SYT5: variants seen among roughly 807,000 people sequenced by gnomAD.
SYT5 encodes synaptotagmin-5.
SYT5 carries 29 observed loss-of-function variants against 36.0 expected under a neutral mutation model. The ratio of observed to expected loss-of-function variants is 0.81; its 90% CI spans 0.60 to 1.10. SYT5 has a LOEUF of 1.10. Ranked by LOEUF, SYT5 falls within the 50% of genes least tolerant of loss-of-function variation. The probability of loss-of-function intolerance (pLI) is 0.00; values close to 1 mark genes in which losing one functional copy is unlikely to be tolerated. For missense variants in SYT5, 512 were observed against 516.0 expected (o/e 0.99, Z 0.08); for synonymous variants, 231 against 227.6 (o/e 1.02, Z -0.14).
In SYT5 at chr19:55,171,927, C is replaced by G. The variant is rs924955552; in HGVS notation, c.*1557G>C. ...AGTGAGCTATGATTGCCCCACCGCA[C>G]TCCAGCCAGGGTACACAGAGAAACC... On this transcript the variant is annotated 3_prime_UTR_variant, in exon 9 of 9. Coordinates refer to ENST00000354308, the MANE Select transcript of SYT5 (RefSeq NM_003180.3). 6.6e-6 allele frequency: 1 copy of G among 152,062 alleles called. No homozygotes were observed. The highest frequency in any genetic ancestry group is 2.4e-5 in the African/African-American group (1 of 41,358). 9.4% of individuals were successfully genotyped at this position (152,062 alleles called of 1,614,324 possible). A position where few individuals can be genotyped will look rare whatever the true frequency, so the allele number is the denominator to read the frequency against.
chr19:55,176,143 A>G lies in SYT5; in HGVS notation c.253-19T>C. Reference sequence around the variant, plus strand: ...GCTGCACCTTAAGGAGCCAGGGGTAAGGGTGGGTGAAGTCTTCCCCTGATA... The same window carrying G: ...GCTGCACCTTAAGGAGCCAGGGGTAGGGGTGGGTGAAGTCTTCCCCTGATA... On this transcript the variant is annotated intron_variant, in intron 3 of 8. Transcript: ENST00000354308. 1 of 1,613,820 alleles carries G rather than the reference A, an allele frequency of 6.2e-7. No individual in the cohort carries two copies. Among genetic ancestry groups the G allele is most frequent in the South Asian group, 1.1e-5 (1 of 91,074 alleles).
rs1294841317 is a variant in SYT5 at position 55,172,430 on chromosome 19, AAAAC to A, written c.*1050_*1053del. 1 of 151,174 alleles carries A rather than the reference AAAAC, an allele frequency of 6.6e-6. No individual in the cohort carries two copies. The highest frequency in any genetic ancestry group is 1.5e-5 in the Non-Finnish European group (1 of 67,910). 9.4% of individuals were successfully genotyped at this position (151,174 alleles called of 1,614,324 possible). A position where few individuals can be genotyped will look rare whatever the true frequency, so the allele number is the denominator to read the frequency against. ...AGTGAGACTTCATCTCAAAAAAACA[AAAAC>A]AAAAACAAAAAAACAAACAAACAAA... On this transcript the variant is annotated 3_prime_UTR_variant, in exon 9 of 9. Transcript: ENST00000354308.
Position 55,172,472 on chromosome 19 carries a change from GAAAA to G in SYT5, c.*1008_*1011del, listed in dbSNP as rs750562207. The G allele has an allele frequency of 6.7e-6, 1 of 149,312 alleles. No individual in the cohort carries two copies. Among genetic ancestry groups the G allele is most frequent in the Admixed American group, 6.7e-5 (1 of 15,010 alleles). The allele number at this position is 149,312 out of a possible 1,614,324, so 9.2% of individuals were successfully genotyped here. ...ACAAACAAACAAAAAAAAAACAAGA[GAAAA>G]AGAAAGAAAAGGAAAGACAGAAAGA... On this transcript the variant is annotated 3_prime_UTR_variant, in exon 9 of 9. Coordinates refer to ENST00000354308, the MANE Select transcript of SYT5 (RefSeq NM_003180.3).
In SYT5 at chr19:55,173,657, C is replaced by A; in HGVS notation, c.988G>T (p.Asp330Tyr). The A allele has an allele frequency of 6.8e-7, 1 of 1,462,266 alleles. No individual in the cohort carries two copies. The allele number at this position is 1,462,266 out of a possible 1,614,324, so 90.6% of individuals were successfully genotyped here. A position where few individuals can be genotyped will look rare whatever the true frequency, so the allele number is the denominator to read the frequency against. ...TCGTTCTTGCCCAGCTTGTCGTAGT[C>A]CAGCACGGTCAGCTCCACCTGCACC... Reference protein sequence around the residue: ...QKVQVELTVLDYDKLGKNEAI... With the variant: ...QKVQVELTVLYYDKLGKNEAI... The change falls in exon 9 of 9, where the codon GAC becomes TAC. Residue 330 changes from aspartate to tyrosine, a missense_variant. Coordinates refer to ENST00000354308, the MANE Select transcript of SYT5 (RefSeq NM_003180.3). The surrounding 1 kb of genome is among the most constrained non-coding windows in gnomAD (Gnocchi z 5.4).
At chr19:55,178,721 C>T (rs1392719374) in intron 2 of SYT5, among the ~76,000 whole-genome samples, 3 of 149,782 alleles carry the variant, frequency 2.0e-5, no homozygotes, top group African/African-American at 7.5e-5. Context: ...TCTAAGATCC[C>T]ATTCCATGCA....
rs764151845 is a variant in SYT5 at position 55,176,022 on chromosome 19, C to T, written c.355G>A (p.Asp119Asn). 16 of 1,614,154 alleles carry T rather than the reference C, an allele frequency of 9.9e-6. No homozygotes were observed. Among genetic ancestry groups the T allele is most frequent in the Non-Finnish European group, 1.4e-5 (16 of 1,180,040 alleles). The change falls in exon 4 of 9, where the codon GAC becomes AAC. Residue 119 changes from aspartate (D) to asparagine (N), a missense_variant. Coordinates refer to ENST00000354308, the MANE Select transcript of SYT5 (RefSeq NM_003180.3). Reference protein sequence around the residue: ...LGRLQYSLDYDFQSGQLLVGI... With the variant: ...LGRLQYSLDYNFQSGQLLVGI... Reference sequence around the variant, plus strand: ...ACACCCACCTGGCCACTCTGGAAGTCATAATCCAGGGAGTACTGCAGTCGT... The same window carrying T: ...ACACCCACCTGGCCACTCTGGAAGTTATAATCCAGGGAGTACTGCAGTCGT...
At chr19:55,174,209 C>T (rs1407683949) in intron 8 of SYT5, among the ~76,000 whole-genome samples, 2 of 141,552 alleles carry the variant, frequency 1.4e-5, no homozygotes, top group Non-Finnish European at 3.0e-5. Flanking sequence ...TGCTTGGGGG[C>T]GGAGCATCCT....
In SYT5 at chr19:55,179,007, G is replaced by A; in HGVS notation, c.35C>T (p.Ser12Leu). The A allele has an allele frequency of 6.3e-7, 1 of 1,599,452 alleles. No homozygotes were observed. Among genetic ancestry groups the A allele is most frequent in the Non-Finnish European group, 8.5e-7 (1 of 1,173,468 alleles). ...FPEPPTPGPP[S>L]PDTPPDSSRI... Reference sequence around the variant, plus strand: ...ACTGGAGTCGGGAGGCGTGTCGGGCGATGGAGGCCCCGGGGTTGGGGGCTC... The same window carrying A: ...ACTGGAGTCGGGAGGCGTGTCGGGCAATGGAGGCCCCGGGGTTGGGGGCTC... Residue 12 changes from serine (S) to leucine (L), a missense_variant, in exon 2 of 9, where the codon TCG (serine) becomes TTG (leucine). Coordinates refer to ENST00000354308, the MANE Select transcript of SYT5 (RefSeq NM_003180.3). This position sits in a 1 kb window ranked among gnomAD's most constrained non-coding sequence, Gnocchi z 4.5.
In SYT5 at chr19:55,175,560, A is replaced by T; in HGVS notation, c.540+149T>A. 1 of 1,175,692 alleles carries T rather than the reference A, an allele frequency of 8.5e-7. No homozygotes were observed. The highest frequency in any genetic ancestry group is 1.2e-6 in the Non-Finnish European group (1 of 833,962). 72.8% of individuals were successfully genotyped at this position (1,175,692 alleles called of 1,614,324 possible). On this transcript the variant is annotated intron_variant, in intron 5 of 8. Coordinates refer to ENST00000354308, the MANE Select transcript of SYT5 (RefSeq NM_003180.3). This position sits in a 1 kb window ranked among gnomAD's most constrained non-coding sequence, Gnocchi z 4.5. ...ACCAGGCTACAGCCCAGGAGTCAGT[A>T]GTGCCCAGGGTCCAGTGGAATAGCC...
In SYT5 at chr19:55,178,255, C is replaced by T. The variant is rs750181199; in HGVS notation, c.193G>A (p.Ala65Thr). ...CRRRTGKKSQ[A>T]QAQVHLQEVK... The stretch of plus-strand genomic sequence containing the variant: ...TCCTGAAGGTGGACCTGGGCTTGGG[C>T]CTGGCTCTTCTTGCCTGTCCGCCTC... Residue 65 changes from alanine to threonine, a missense_variant, in exon 3 of 9, where the codon GCC becomes ACC. Physicochemically the swap from Ala to Thr is moderately conservative, Grantham distance 58 (BLOSUM62 0). Transcript: ENST00000354308. The T allele has an allele frequency of 1.9e-6, 3 of 1,610,086 alleles. No homozygotes were observed. The highest frequency in any genetic ancestry group is 1.7e-6 in the Non-Finnish European group (2 of 1,178,410).
rs1351573772 is a variant in SYT5 at position 55,180,267 on chromosome 19, C to G, written c.-196G>C. 1 of 152,284 alleles carries G rather than the reference C, an allele frequency of 6.6e-6. No homozygotes were observed. Among genetic ancestry groups the G allele is most frequent in the Non-Finnish European group, 1.5e-5 (1 of 68,202 alleles). 9.4% of individuals were successfully genotyped at this position (152,284 alleles called of 1,614,324 possible). ...GGAGCCGCGGAGCGGAGCAGGATCC[C>G]GTGCGCGCGTGTGTGCCCGTGTGCG... On this transcript the variant is annotated 5_prime_UTR_variant, in exon 1 of 9. Transcript: ENST00000354308.
chr19:55,174,285 G>T (rs947522871), intron 8 of SYT5, among the ~76,000 whole-genome samples: 2 of 151,974 alleles, frequency 1.3e-5, no homozygotes, highest in Admixed American at 6.6e-5. Context: ...ACTGCTTAGG[G>T]GTGGGACATC....
intron 2 of SYT5, 106 bp downstream of exon 2, chr19:55,178,857 G>A: frequency 3.5e-6 from 4 of 1,145,646 alleles, no homozygotes; most frequent in Non-Finnish European, 4.3e-6. Context: ...GATCCCAGCC[G>A]GATTTTCCAG....
rs9710458 is a variant in SYT5, at chr19:55,172,283, T to A, written c.*1201A>T. The A allele has an allele frequency of 3.4e-5, 5 of 148,386 alleles. No individual in the cohort carries two copies. Among genetic ancestry groups the A allele is most frequent in the African/African-American group, 1.2e-4 (5 of 40,246 alleles). The allele number at this position is 148,386 out of a possible 1,614,324, so 9.2% of individuals were successfully genotyped here. ...AAAATACAAAAAAATTAGCCGGGTG[T>A]GGTGGCGGGCGCCTGTAGTCCCAGC... On this transcript the variant is annotated 3_prime_UTR_variant, in exon 9 of 9. Coordinates refer to ENST00000354308, the MANE Select transcript of SYT5 (RefSeq NM_003180.3).
At position 55,172,796 on chromosome 19, in the gene SYT5, G is replaced by C. The variant is rs1009336684; in HGVS notation, c.*688C>G. On this transcript the variant is annotated 3_prime_UTR_variant, in exon 9 of 9. Coordinates refer to ENST00000354308, the MANE Select transcript of SYT5 (RefSeq NM_003180.3). ...GAAAATCGATGTGAGTCATGGGTGA[G>C]CAAGCGAGTGGATAAATTCATGGAC... 13 of 152,272 alleles carry C rather than the reference G, an allele frequency of 8.5e-5. No individual in the cohort carries two copies. Among genetic ancestry groups the C allele is most frequent in the African/African-American group, 2.9e-4 (12 of 41,456 alleles). 9.4% of individuals were successfully genotyped at this position (152,272 alleles called of 1,614,324 possible).
rs780614059 is a variant in SYT5, at chr19:55,175,156, GA to G, written c.708+15del. On this transcript the variant is annotated intron_variant, in intron 6 of 8. Transcript: ENST00000354308. This position sits in a 1 kb window ranked among gnomAD's most constrained non-coding sequence, Gnocchi z 4.5. ...GGCCTGGGGGCGTGGCTCGGGGCGC[GA>G]CCGCGCATGCTCACCTCCTCCCGCG... 1.3e-5 allele frequency: 21 copies of G among 1,583,638 alleles called. No homozygotes were observed. In the South Asian group the frequency reaches 2.4e-4, roughly 18 times the overall value.
chr19:55,176,727 A>G (rs1191444857), intron 3 of SYT5, among the ~76,000 whole-genome samples: 1 of 152,152 alleles, frequency 6.6e-6, no homozygotes, highest in East Asian at 1.9e-4. Flanking sequence ...ACAAGTACCC[A>G]GTGTGATTCT....
At position 55,173,319 on chromosome 19, in the gene SYT5, T is replaced by G; in HGVS notation, c.*165A>C. 8 of 497,014 alleles carry G rather than the reference T, an allele frequency of 1.6e-5. No homozygotes were observed. Among genetic ancestry groups the G allele is most frequent in the East Asian group, 3.6e-5 (1 of 27,896 alleles). The allele number at this position is 497,014 out of a possible 1,614,324, so 30.8% of individuals were successfully genotyped here. ...TGGAAAGTTGTCGTGATTGGCATCG[T>G]TGGGGGTGAGAAGACAGGAATGGTT... On this transcript the variant is annotated 3_prime_UTR_variant, in exon 9 of 9. Transcript: ENST00000354308. The surrounding 1 kb of genome is among the most constrained non-coding windows in gnomAD (Gnocchi z 5.4).
rs2086071409 is a variant in SYT5, at chr19:55,175,900, G to A, written c.373-24C>T. 1 of 1,613,760 alleles carries A rather than the reference G, an allele frequency of 6.2e-7. No homozygotes were observed. Among genetic ancestry groups the A allele is most frequent in the Non-Finnish European group, 8.5e-7 (1 of 1,179,862 alleles). ...AGCTGCAGGGCCCAGGCACAGTGGG[G>A]GAGGTGGGGAACACTAGTCTTAGCC... On this transcript the variant is annotated intron_variant, in intron 4 of 8. Transcript: ENST00000354308. This position sits in a 1 kb window ranked among gnomAD's most constrained non-coding sequence, Gnocchi z 4.5.
Sources: gnomAD v4.1 joint callset for allele counts (sites outside exome capture counted in the v4.1 genomes callset) on GRCh38, gnomAD v4.1.1 for gene constraint, Gnocchi (gnomAD v3.1) non-coding constraint, MANE v1.5 for transcripts, NCBI Gene and HGNC (gene_info 2026-07-23, HGNC 2026-07-21) for gene names.